The following TUSC3 variants were observed in gnomAD, a reference collection of about 807,000 sequenced individuals.
The protein encoded by TUSC3 is tumor suppressor candidate 3.
In TUSC3, 45 loss-of-function variants were observed where a neutral mutation model predicts 44.8. The observed-to-expected ratio is 1.00, with a 90% CI of 0.79 to 1.29. TUSC3 has a LOEUF of 1.29. TUSC3 is among the 50% of genes most tolerant of loss of function. The probability of loss-of-function intolerance (pLI) is 0.00; values close to 1 mark genes in which losing one functional copy is unlikely to be tolerated. For missense variants in TUSC3, 519 were observed against 437.9 expected (o/e 1.19, Z -1.65); for synonymous variants, 212 against 152.9 (o/e 1.39, Z -2.85).
chr8:15,786,459 G>A, the TUSC3 span, among the ~76,000 whole-genome samples: 9 of 152,182 alleles, frequency 5.9e-5, no homozygotes, highest in African/African-American at 1.9e-4. Flanking sequence ...TCAAAGGACA[G>A]TAAGAAAATT....
chr8:15,504,611 ATATATATATATTTTTTTTTTT>A (rs1342688291), intron 2 of TUSC3, among the ~76,000 whole-genome samples: 16 of 22,324 alleles, frequency 7.2e-4, no homozygotes, highest in African/African-American at 3.8e-3. Flanking sequence ...ATATATATAT[ATATATATATATTTTTTTTTTT>A]TTTTTTTTTT....
At chr8:15,633,196 C>T (rs865944554) in intron 2 of TUSC3, among the ~76,000 whole-genome samples, 1 of 152,152 alleles carries the variant, frequency 6.6e-6, no homozygotes, top group African/African-American at 2.4e-5. Flanking sequence ...CTCTCTTTCC[C>T]TCATTCCATA....
intron 2 of TUSC3, among the ~76,000 whole-genome samples, chr8:15,632,629 T>G (rs948085414): frequency 6.6e-6 from 1 of 152,220 alleles, no homozygotes; most frequent in Non-Finnish European, 1.5e-5. Flanking sequence ...ATAATGTTTG[T>G]CTGAACTTGA....
chr8:15,673,644 A>C (rs796828092), intron 5 of TUSC3, 103 bp from the exon 6 acceptor site: 1 of 1,009,036 alleles, frequency 9.9e-7, no homozygotes, highest in Middle Eastern at 2.1e-4. Flanking sequence ...GAGCTGATAC[A>C]TGATTTTTAA....
Position 15,479,822 on chromosome 8 carries a change from A to G in TUSC3, n.92-3564A>G, listed in dbSNP as rs143625544. Among the ~76,000 whole-genome samples the G allele has an allele frequency of 2.9e-3, 440 of 152,290 alleles. 6 individuals carry two copies. The East Asian group carries it at 0.031, about 11-fold the overall frequency. The stretch of plus-strand genomic sequence containing the variant: ...CCAGGCCTATCATGCAAGAGAAAGA[A>G]ATAAAGCGTATTCAAATAAGAAGAG... On this transcript the variant is annotated intron_variant and non_coding_transcript_variant, in intron 1 of 5. Coordinates refer to the TUSC3 transcript ENST00000503191.
chr8:15,782,721 CAGAA>C, the TUSC3 span, among the ~76,000 whole-genome samples: 1 of 152,090 alleles, frequency 6.6e-6, no homozygotes, highest in Admixed American at 6.5e-5. Context: ...AAATTACTTA[CAGAA>C]AGAATGTTCC....
chr8:15,700,405 A>G (rs893024045), intron 6 of TUSC3, among the ~76,000 whole-genome samples: 1 of 152,168 alleles, frequency 6.6e-6, no homozygotes, highest in Non-Finnish European at 1.5e-5. Context: ...ATATGAGACT[A>G]GCTATAATCA....
chr8:15,798,541 G>A, the TUSC3 span, among the ~76,000 whole-genome samples: 1 of 152,154 alleles, frequency 6.6e-6, no homozygotes, highest in East Asian at 1.9e-4. Flanking sequence ...GAAGCTCTGT[G>A]TAAGCGACTT....
rs60355164 is a variant in TUSC3, at chr8:15,719,495, TCACA to T, written c.799-11153_799-11150del. Among the ~76,000 whole-genome samples the T allele has an allele frequency of 7.6e-5, 11 of 145,332 alleles. No homozygotes were observed. The South Asian group carries it at 2.0e-3, about 27-fold the overall frequency. On this transcript the variant is annotated intron_variant, in intron 6 of 10. Coordinates refer to ENST00000503731, the MANE Select transcript of TUSC3 (RefSeq NM_006765.4). Reference sequence around the variant, plus strand: ...CTTTGCACTTATAGTATACAGTTCATCACACACACACACACACACACCACACACA... The same window carrying T: ...CTTTGCACTTATAGTATACAGTTCATCACACACACACACACACCACACACA...
At chr8:15,456,628 G>A (rs1018082177) in intron 1 of TUSC3, among the ~76,000 whole-genome samples, 2 of 151,790 alleles carry the variant, frequency 1.3e-5, no homozygotes, top group African/African-American at 2.4e-5. Context: ...TGTAGACAGA[G>A]GTAGGGAAAA....
rs2129225778 is a variant in TUSC3 at position 15,764,245 on chromosome 8, A to AT, written c.*90dup. On this transcript the variant is annotated 3_prime_UTR_variant, in exon 11 of 11. Transcript: ENST00000503731. ...GCCAAGTGGGATTTGCATAAAGTGA[A>AT]TGTTTACCATGAAGATAAACTGTTC... The AT allele has an allele frequency of 6.2e-7, 1 of 1,603,426 alleles. No individual in the cohort carries two copies. The highest frequency in any genetic ancestry group is 2.2e-5 in the East Asian group (1 of 44,536).
chr8:15,829,545 G>A, the TUSC3 span, among the ~76,000 whole-genome samples: 11 of 149,016 alleles, frequency 7.4e-5, no homozygotes, highest in African/African-American at 2.4e-4. Context: ...AAGTTGCAAA[G>A]GTCTCTCTCA....
At chr8:15,532,899 T>A (rs1212083996) in intron 2 of TUSC3, among the ~76,000 whole-genome samples, 1 of 152,144 alleles carries the variant, frequency 6.6e-6, no homozygotes, top group East Asian at 1.9e-4. Context: ...TTCTAGAGAT[T>A]CTCCTGCCTC....
At chr8:15,663,835 G>A (rs562113550) in intron 5 of TUSC3, among the ~76,000 whole-genome samples, 60 of 151,778 alleles carry the variant, frequency 4.0e-4, no homozygotes, top group Non-Finnish European at 6.9e-4. Flanking sequence ...ATTCAGTAAA[G>A]CTACCCAGGT....
chr8:15,589,898 A>G (rs188910583), intron 1 of TUSC3, among the ~76,000 whole-genome samples: 52 of 152,296 alleles, frequency 3.4e-4, no homozygotes, highest in African/African-American at 1.2e-3. Context: ...CACTATCCCT[A>G]GTGAGGATAG....
intron 2 of TUSC3, among the ~76,000 whole-genome samples, chr8:15,626,479 A>G (rs77957593): frequency 0.026 from 3,919 of 152,320 alleles, 70 homozygotes; most frequent in Middle Eastern, 0.092. Flanking sequence ...CTTCCAAGTC[A>G]TGGCTGTGGA....
intron 1 of TUSC3, among the ~76,000 whole-genome samples, chr8:15,596,071 C>G (rs1490016500): frequency 1.3e-5 from 2 of 152,170 alleles, no homozygotes; most frequent in African/African-American, 4.8e-5. Flanking sequence ...AGTCTCTCAT[C>G]TAAAGTGATG....
chr8:15,611,169 A>G (rs1366669), intron 1 of TUSC3, among the ~76,000 whole-genome samples: 29,564 of 152,078 alleles, frequency 0.19, 2,868 homozygotes, highest in South Asian at 0.27. Flanking sequence ...CAAATATTTC[A>G]AAGAACTTTT....
chr8:15,570,278 ACAC>A (rs1802825685), intron 1 of TUSC3, among the ~76,000 whole-genome samples: 1 of 145,002 alleles, frequency 6.9e-6, no homozygotes, highest in Admixed American at 6.7e-5. Context: ...ACACACACAC[ACAC>A]ACACACACAC....
Sources: gnomAD v4.1 joint callset for allele counts (sites outside exome capture counted in the v4.1 genomes callset) on GRCh38, gnomAD v4.1.1 for gene constraint, MANE v1.5 for transcripts, NCBI Gene and HGNC (gene_info 2026-07-23, HGNC 2026-07-21) for gene names.